COMMD10: variants seen among roughly 807,000 people sequenced by gnomAD.
COMMD10 encodes the protein COMM domain-containing protein 10.
A neutral mutation model predicts 28.9 loss-of-function variants in COMMD10; 33 were observed. The observed-to-expected ratio is 1.14, with a 90% CI of 0.87 to 1.53. The LOEUF (loss-of-function observed/expected upper bound fraction) is 1.53. Among genes scored for constraint, COMMD10 ranks in the 40% most tolerant of loss-of-function variants. The pLI, the probability that COMMD10 is intolerant of heterozygous loss-of-function variation, is 0.00. For synonymous variants in COMMD10, 110 were observed against 81.7 expected (o/e 1.35, Z -1.87); for missense variants, 310 against 233.4 (o/e 1.33, Z -2.14).
Position 116,282,937 on chromosome 5 carries a change from C to T in COMMD10, c.511-8580C>T, listed in dbSNP as rs144046371. On this transcript the variant is annotated intron_variant, in intron 5 of 6. Coordinates refer to ENST00000274458, the MANE Select transcript of COMMD10 (RefSeq NM_016144.4). ...AGAGCCTAAACTCATAGTTGATAGA[C>T]GAGGAATAAACATGTACACATAGGA... Among the ~76,000 whole-genome samples, 239 of 151,876 alleles carry T rather than the reference C, an allele frequency of 1.6e-3. 6 individuals are homozygous for T. Among genetic ancestry groups the T allele is most frequent in the African/African-American group, 5.7e-3 (234 of 41,262 alleles).
At chr5:116,246,484 AC>A (rs769199007) in intron 5 of COMMD10, among the ~76,000 whole-genome samples, 3 of 152,046 alleles carry the variant, frequency 2.0e-5, no homozygotes, top group Non-Finnish European at 4.4e-5. Context: ...AAAAAAAAAA[AC>A]TATCTTAAAG....
At chr5:116,231,134 T>C (rs1444784005) in intron 5 of COMMD10, among the ~76,000 whole-genome samples, 2 of 152,154 alleles carry the variant, frequency 1.3e-5, no homozygotes, top group African/African-American at 4.8e-5. Flanking sequence ...TCAGATGTTC[T>C]AAAATAAGGT....
intron 5 of COMMD10, among the ~76,000 whole-genome samples, chr5:116,247,876 C>T (rs1749994361): frequency 6.6e-6 from 1 of 151,868 alleles, no homozygotes; most frequent in Non-Finnish European, 1.5e-5. Flanking sequence ...GGCTTAATAT[C>T]TGGTTGATGA....
chr5:116,220,785 G>T (rs376793332), intron 5 of COMMD10, among the ~76,000 whole-genome samples: 1 of 152,234 alleles, frequency 6.6e-6, no homozygotes, highest in African/African-American at 2.4e-5. Context: ...TACCCTATGG[G>T]AATCTGTAGA....
At chr5:116,136,172 C>T (rs1752020359) in intron 5 of COMMD10, among the ~76,000 whole-genome samples, 1 of 151,946 alleles carries the variant, frequency 6.6e-6, no homozygotes. Context: ...CCTTGCATTC[C>T]CTCTCCCTTT....
intron 4 of COMMD10, among the ~76,000 whole-genome samples, chr5:116,121,655 CTT>C (rs1160670450): frequency 3.3e-5 from 5 of 152,276 alleles, no homozygotes; most frequent in African/African-American, 4.8e-5. Context: ...TGTTTCCTGA[CTT>C]TTTAATGATC....
intron 4 of COMMD10, among the ~76,000 whole-genome samples, chr5:116,121,329 G>T (rs6866301): frequency 1.3e-5 from 2 of 152,044 alleles, no homozygotes; most frequent in Non-Finnish European, 2.9e-5. Context: ...TTTTATGGCT[G>T]CATAGTATTC....
At chr5:116,154,276 C>T (rs1393830976) in intron 5 of COMMD10, among the ~76,000 whole-genome samples, 3 of 152,100 alleles carry the variant, frequency 2.0e-5, no homozygotes, top group Admixed American at 1.3e-4. Context: ...AACTAGTTCT[C>T]TCTCCTATTG....
intron 5 of COMMD10, among the ~76,000 whole-genome samples, chr5:116,212,737 G>A (rs1749001206): frequency 6.6e-6 from 1 of 151,990 alleles, no homozygotes; most frequent in African/African-American, 2.4e-5. Flanking sequence ...TTAATGGTTT[G>A]CTTCAACTTA....
chr5:116,160,997 A>T (rs937506513), intron 5 of COMMD10, among the ~76,000 whole-genome samples: 1 of 152,166 alleles, frequency 6.6e-6, no homozygotes, highest in African/African-American at 2.4e-5. Context: ...TTTTTAAAAA[A>T]ATAATACTGA....
rs141037858 is a variant in COMMD10, at chr5:116,189,324, C to G, written c.510+55146C>G. Among the ~76,000 whole-genome samples the G allele has an allele frequency of 5.6e-3, 855 of 152,300 alleles. 9 individuals carry two copies. The highest frequency in any genetic ancestry group is 6.8e-3 in the Middle Eastern group (2 of 294). On this transcript the variant is annotated intron_variant, in intron 5 of 6. Transcript: ENST00000274458. ...TCAAGCAGTCCTCCCACCTCAGCCTCTAGTGGCTAGAGCAGCATCCAGTGT... is the reference window on the plus strand; with the variant it reads ...TCAAGCAGTCCTCCCACCTCAGCCTGTAGTGGCTAGAGCAGCATCCAGTGT...
intron 4 of COMMD10, among the ~76,000 whole-genome samples, chr5:116,120,085 A>G (rs1428053191): frequency 6.6e-6 from 1 of 152,142 alleles, no homozygotes; most frequent in Non-Finnish European, 1.5e-5. Context: ...TGCAATTGCA[A>G]CAATATGGAA....
chr5:116,273,060 C>T (rs527602553), intron 5 of COMMD10, among the ~76,000 whole-genome samples: 1 of 151,922 alleles, frequency 6.6e-6, no homozygotes, highest in African/African-American at 2.4e-5. Context: ...ACATTTCACC[C>T]ACAATTCATC....
chr5:116,128,355 G>T (rs1386980415), intron 4 of COMMD10, among the ~76,000 whole-genome samples: 3 of 151,872 alleles, frequency 2.0e-5, no homozygotes, highest in African/African-American at 7.3e-5. Flanking sequence ...AATATTAGTG[G>T]CTTATTTTCC....
At chr5:116,142,753 G>T (rs746085350) in intron 5 of COMMD10, among the ~76,000 whole-genome samples, 17 of 151,626 alleles carry the variant, frequency 1.1e-4, no homozygotes, top group Non-Finnish European at 2.2e-4. Flanking sequence ...AATTAAACAA[G>T]CTTTTGTTAT....
At chr5:116,200,538 C>A (rs1748640300) in intron 5 of COMMD10, among the ~76,000 whole-genome samples, 1 of 151,936 alleles carries the variant, frequency 6.6e-6, no homozygotes, top group African/African-American at 2.4e-5. Context: ...CTTTCTTCTT[C>A]TACAATTTTT....
intron 5 of COMMD10, among the ~76,000 whole-genome samples, chr5:116,161,283 C>G (rs900290655): frequency 6.6e-6 from 1 of 152,042 alleles, no homozygotes; most frequent in Non-Finnish European, 1.5e-5. Flanking sequence ...ATGCTTATCT[C>G]CTAGGGTGGT....
chr5:116,243,219 G>C (rs933338769), intron 5 of COMMD10, among the ~76,000 whole-genome samples: 1 of 152,142 alleles, frequency 6.6e-6, no homozygotes, highest in Non-Finnish European at 1.5e-5. Context: ...TCTTATGTAT[G>C]ATTTCAGTTC....
intron 5 of COMMD10, among the ~76,000 whole-genome samples, chr5:116,149,114 T>C (rs1333824843): frequency 6.7e-6 from 1 of 150,044 alleles, no homozygotes; most frequent in Non-Finnish European, 1.5e-5. Flanking sequence ...TGTTTGGTTT[T>C]TTGTTCTTGC....
Sources: allele counts gnomAD v4.1 joint callset (sites outside exome capture counted in the v4.1 genomes callset), GRCh38; gene constraint gnomAD v4.1.1; transcripts MANE v1.5; gene names NCBI Gene and HGNC (gene_info 2026-07-23, HGNC 2026-07-21).